Variants in CASD1 observed in about 807,000 individuals in gnomAD.
The protein encoded by CASD1 is N-acetylneuraminate (7)9-O-acetyltransferase.
A neutral mutation model predicts 100.0 loss-of-function variants in CASD1; 41 were observed. The observed-to-expected ratio is 0.41, with a 90% CI of 0.32 to 0.53. The LOEUF is 0.53. CASD1 is among the 20% of genes least tolerant of loss of function. The probability of loss-of-function intolerance (pLI) is 0.25; values close to 1 mark genes in which losing one functional copy is unlikely to be tolerated. For synonymous variants in CASD1, 321 were observed against 315.6 expected, an observed-to-expected ratio of 1.02 and a Z score of -0.18; for missense variants, 774 against 948.7, an observed-to-expected ratio of 0.82 and a Z score of 2.42.
At chr7:94,567,691 G>A in the CASD1 span, among the ~76,000 whole-genome samples, 1 of 152,092 alleles carries the variant, frequency 6.6e-6, no homozygotes, top group African/African-American at 2.4e-5. Context: ...TTTTTCAAAG[G>A]CAAGGTCCTT....
At chr7:94,554,752 A>T (rs1296718864) in intron 17 of CASD1, among the ~76,000 whole-genome samples, 177 bp downstream of exon 17, 2 of 152,118 alleles carry the variant, frequency 1.3e-5, no homozygotes, top group African/African-American at 4.8e-5. Flanking sequence ...CAACAATACT[A>T]AAGTATTTTG....
chr7:94,593,349 A>G, the CASD1 span, among the ~76,000 whole-genome samples: 1 of 151,978 alleles, frequency 6.6e-6, no homozygotes, highest in African/African-American at 2.4e-5. Flanking sequence ...GTGGAGTACT[A>G]TTCCCCAATT....
chr7:94,624,214 C>T, the CASD1 span: 2 of 394,268 alleles, frequency 5.1e-6, no homozygotes, highest in African/African-American at 2.1e-5. Context: ...AATCCCAGCA[C>T]TAACCTTCTG....
chr7:94,534,132 T>C (rs186484658), intron 7 of CASD1, among the ~76,000 whole-genome samples: 30 of 150,774 alleles, frequency 2.0e-4, no homozygotes, highest in Admixed American at 1.1e-3. Context: ...TTGGGAAATA[T>C]ATACAAAAAA....
chr7:94,517,732 G>A (rs1794047586), intron 2 of CASD1, 76 bp downstream of exon 2: 1 of 848,154 alleles, frequency 1.2e-6, no homozygotes, highest in East Asian at 2.5e-5. Context: ...TGGTGAAACA[G>A]TACTTTTCAT....
intron 1 of CASD1, among the ~76,000 whole-genome samples, chr7:94,515,017 TC>T (rs1304188534): frequency 6.6e-6 from 1 of 152,146 alleles, no homozygotes; most frequent in African/African-American, 2.4e-5. Flanking sequence ...TGGAGTTTTT[TC>T]TGGATCAGGT....
intron 3 of CASD1, among the ~76,000 whole-genome samples, chr7:94,518,588 T>C (rs1794089807): frequency 6.6e-6 from 1 of 152,146 alleles, no homozygotes; most frequent in Non-Finnish European, 1.5e-5. Flanking sequence ...TGGAAAAACT[T>C]TTAAATTTCC....
chr7:94,608,312 G>A, the CASD1 span, among the ~76,000 whole-genome samples: 1 of 152,114 alleles, frequency 6.6e-6, no homozygotes, highest in African/African-American at 2.4e-5. Context: ...CTCCAGCCTG[G>A]GCGACAGAGT....
At chr7:94,598,805 C>T in the CASD1 span, 1 of 1,613,314 alleles carries the variant, frequency 6.2e-7, no homozygotes, top group Non-Finnish European at 8.5e-7. Flanking sequence ...CATGTTTGTG[C>T]TATCATAGTT....
the CASD1 span, chr7:94,598,853 G>A: frequency 6.2e-7 from 1 of 1,612,844 alleles, no homozygotes; most frequent in Non-Finnish European, 8.5e-7. Context: ...CCCAGTCACA[G>A]GGTGGAACAC....
chr7:94,520,093 TA>T (rs1794187344), intron 3 of CASD1, among the ~76,000 whole-genome samples: 1 of 152,156 alleles, frequency 6.6e-6, no homozygotes, highest in Admixed American at 6.5e-5. Flanking sequence ...TATATGCATT[TA>T]AAAGGAAACA....
the CASD1 span, among the ~76,000 whole-genome samples, chr7:94,562,927 A>T: frequency 2.6e-5 from 4 of 152,112 alleles, no homozygotes; most frequent in Non-Finnish European, 5.9e-5. Context: ...ATGCTGGAGG[A>T]TTCAGGAAAA....
chr7:94,518,740 C>T (rs1385783085), intron 3 of CASD1, among the ~76,000 whole-genome samples: 2 of 151,794 alleles, frequency 1.3e-5, no homozygotes, highest in Non-Finnish European at 2.9e-5. Flanking sequence ...CTTTTTTCTT[C>T]ACCACTTATT....
intron 1 of CASD1, among the ~76,000 whole-genome samples, chr7:94,514,028 A>G (rs1793849334): frequency 6.6e-6 from 1 of 152,176 alleles, no homozygotes; most frequent in Admixed American, 6.5e-5. Context: ...AATGGCCAAT[A>G]TCTGTAGCCT....
downstream of CASD1, among the ~76,000 whole-genome samples, chr7:94,561,012 T>G (rs1024383252): frequency 2.4e-4 from 37 of 152,016 alleles, no homozygotes; most frequent in Non-Finnish European, 3.8e-4. Context: ...TTTAGAACAT[T>G]AATATTTGAT....
At chr7:94,612,695 C>A in the CASD1 span, among the ~76,000 whole-genome samples, 100 of 152,202 alleles carry the variant, frequency 6.6e-4, no homozygotes, top group Non-Finnish European at 1.0e-3. Context: ...CACATACTGC[C>A]AAACTACTTT....
At chr7:94,533,346 C>T (rs1313701428) in intron 6 of CASD1, 97 bp downstream of exon 6, 5 of 955,502 alleles carry the variant, frequency 5.2e-6, no homozygotes, top group Non-Finnish European at 7.9e-6. Flanking sequence ...TTGATTGTAC[C>T]TAAATTTTTA....
intron 5 of CASD1, among the ~76,000 whole-genome samples, chr7:94,529,931 G>A (rs979040700): frequency 1.1e-4 from 16 of 152,108 alleles, no homozygotes; most frequent in African/African-American, 2.9e-4. Context: ...GAAGCCTATA[G>A]GCATAAAAGC....
chr7:94,527,720 G>C (rs968288611), intron 4 of CASD1, among the ~76,000 whole-genome samples: 2 of 152,140 alleles, frequency 1.3e-5, no homozygotes, highest in African/African-American at 4.8e-5. Context: ...GAGCATTATG[G>C]ACAGAAGGAA....
Sources: gnomAD v4.1 joint callset for allele counts (sites outside exome capture counted in the v4.1 genomes callset) on GRCh38, gnomAD v4.1.1 for gene constraint, MANE v1.5 for transcripts, NCBI Gene and HGNC (gene_info 2026-07-23, HGNC 2026-07-21) for gene names.